Variants in HNRNPH2 observed in about 807,000 individuals in gnomAD.
HNRNPH2 encodes FTP-3.
For synonymous variants in HNRNPH2, 128 were observed against 128.2 expected (o/e 1.00, Z 0.01); for missense variants, 115 against 352.9 (o/e 0.33, Z 5.40).
Position 101,413,660 on chromosome X carries a change from T to C in HNRNPH2, c.*322T>C, listed in dbSNP as rs1487244173. 2.6e-5 allele frequency: 5 copies of C among 195,535 alleles called. No individual in the cohort carries two copies. In the Admixed American group the frequency reaches 2.8e-4, roughly 11 times the overall value. The allele number at this position is 195,535 out of a possible 1,213,427, so 16.1% of individuals were successfully genotyped here. Reference sequence around the variant, plus strand: ...TCTAGGACATAATAACAAAGTTCAGTATTGACCATAACTGTTAAAACAATT... The same window carrying C: ...TCTAGGACATAATAACAAAGTTCAGCATTGACCATAACTGTTAAAACAATT... On this transcript the variant is annotated 3_prime_UTR_variant, in exon 2 of 2. Coordinates refer to ENST00000316594, the MANE Select transcript of HNRNPH2 (RefSeq NM_019597.5).
chrX:101,410,816 A>G (rs368096068), intron 1 of HNRNPH2, among the ~76,000 whole-genome samples: 14 of 111,457 alleles, frequency 1.3e-4, no homozygotes, highest in East Asian at 1.1e-3. Flanking sequence ...AGTCTTTGGG[A>G]TCTGATCTAT....
At chrX:101,408,521 G>T (rs1555987441) in intron 1 of HNRNPH2, among the ~76,000 whole-genome samples, 1 of 109,590 alleles carries the variant, frequency 9.1e-6, no homozygotes, top group African/African-American at 3.3e-5. Flanking sequence ...GACTGTGTAT[G>T]TGTTTTTGTA....
chrX:101,411,695 G>A (rs988896182), intron 1 of HNRNPH2, among the ~76,000 whole-genome samples: 4 of 110,438 alleles, frequency 3.6e-5, no homozygotes, highest in Non-Finnish European at 7.6e-5. Flanking sequence ...GATTACAGGC[G>A]TGAGCCACCG....
chrX:101,413,372 A>G lies in HNRNPH2; in HGVS notation c.*34A>G. ...GGAGCACTAAATAGCTACTCCAGAT[A>G]TAAAAGCTGTACATTTGTGGGAGTT... On this transcript the variant is annotated 3_prime_UTR_variant, in exon 2 of 2. Coordinates refer to ENST00000316594, the MANE Select transcript of HNRNPH2 (RefSeq NM_019597.5). The G allele has an allele frequency of 9.1e-7, 1 of 1,103,533 alleles. No individual in the cohort carries two copies. The highest frequency in any genetic ancestry group is 1.2e-6 in the Non-Finnish European group (1 of 825,169). The allele number at this position is 1,103,533 out of a possible 1,213,427, so 90.9% of individuals were successfully genotyped here. A position where few individuals can be genotyped will look rare whatever the true frequency, so the allele number is the denominator to read the frequency against.
rs782176031 is a variant in HNRNPH2, at chrX:101,412,644, A to T, written c.656A>T (p.Tyr219Phe). 2 of 1,210,684 alleles carry T rather than the reference A, an allele frequency of 1.7e-6. No individual in the cohort carries two copies. The highest frequency in any genetic ancestry group is 1.8e-5 in the South Asian group (1 of 56,981). ...GATAGGCCGGGGGCTGGCAGAGGGT[A>T]TAATAGCATTGGCAGAGGAGCTGGG... ...PYDRPGAGRG[Y>F]NSIGRGAGFE... Residue 219 changes from tyrosine to phenylalanine, a missense_variant, in exon 2 of 2, where the codon TAT becomes TTT. By Grantham distance (22) the Tyr-to-Phe change is conservative. Transcript: ENST00000316594.
chrX:101,409,861 A>C (rs1288515891), intron 1 of HNRNPH2, among the ~76,000 whole-genome samples: 1 of 111,838 alleles, frequency 8.9e-6, no homozygotes, highest in African/African-American at 3.3e-5. Context: ...TTTTTTTTAA[A>C]TGGCTGCATT....
At chrX:101,411,066 C>G (rs1928775609) in intron 1 of HNRNPH2, among the ~76,000 whole-genome samples, 1 of 111,306 alleles carries the variant, frequency 9.0e-6, no homozygotes, top group Admixed American at 9.6e-5. Context: ...ATTCGGTGCT[C>G]CTGTAGGACC....
chrX:101,409,705 C>G (rs1431174506), intron 1 of HNRNPH2, among the ~76,000 whole-genome samples: 2 of 111,260 alleles, frequency 1.8e-5, no homozygotes, highest in African/African-American at 6.5e-5. Flanking sequence ...CTTCAGTTCT[C>G]TCAAAAACAA....
At chrX:101,409,654 A>G (rs1248837175) in intron 1 of HNRNPH2, among the ~76,000 whole-genome samples, 1 of 111,880 alleles carries the variant, frequency 8.9e-6, no homozygotes, top group Non-Finnish European at 1.9e-5. Context: ...GTATAGAAGT[A>G]TATAGGGTAA....
chrX:101,413,264 G>A lies in HNRNPH2; in HGVS notation c.1276G>A (p.Gly426Ser), dbSNP rs1569308267. ...TGGTGGTTATGGAGGTGGTTATGGTGGTCAGAGCAGTATGAGTGGATATGA... is the reference window on the plus strand; with the variant it reads ...TGGTGGTTATGGAGGTGGTTATGGTAGTCAGAGCAGTATGAGTGGATATGA... ...LSGGYGGGYG[G>S]QSSMSGYDQV... is the part of the protein sequence containing the mutation. Residue 426 changes from glycine to serine, a missense_variant, in exon 2 of 2, where the codon GGT (glycine) becomes AGT (serine). By Grantham distance (56) the Gly-to-Ser change is moderately conservative (BLOSUM62 0). Coordinates refer to ENST00000316594, the MANE Select transcript of HNRNPH2 (RefSeq NM_019597.5). 8.3e-7 allele frequency: 1 copy of A among 1,208,621 alleles called. No homozygotes were observed. The highest frequency in any genetic ancestry group is 1.7e-5 in the African/African-American group (1 of 57,595).
Position 101,412,307 on chromosome X carries a change from A to G in HNRNPH2, c.319A>G (p.Thr107Ala). The G allele has an allele frequency of 8.3e-7, 1 of 1,211,148 alleles. No individual in the cohort carries two copies. The highest frequency in any genetic ancestry group is 1.1e-6 in the Non-Finnish European group (1 of 894,916). Residue 107 changes from threonine to alanine, a missense_variant, in exon 2 of 2, where the codon ACT (threonine) becomes GCT (alanine). By Grantham distance (58) the Thr-to-Ala change is moderately conservative (BLOSUM62 0). Coordinates refer to ENST00000316594, the MANE Select transcript of HNRNPH2 (RefSeq NM_019597.5). ...GCATACAGGTCCGAATAGCCCTGAT[A>G]CTGCCAACGATGGCTTCGTCCGGCT... is the stretch of plus-strand genomic sequence containing the variant. The part of the protein sequence containing the change: ...LKHTGPNSPD[T>A]ANDGFVRLRG...
Position 101,413,474 on chromosome X carries a change from G to A in HNRNPH2, c.*136G>A, listed in dbSNP as rs1182899443. ...AATATAATTGATTCTGATCACTCTTGGTCAGCTTCTCTTTCTTTATCTTTC... is the reference window on the plus strand; with the variant it reads ...AATATAATTGATTCTGATCACTCTTAGTCAGCTTCTCTTTCTTTATCTTTC... On this transcript the variant is annotated 3_prime_UTR_variant, in exon 2 of 2. Coordinates refer to ENST00000316594, the MANE Select transcript of HNRNPH2 (RefSeq NM_019597.5). The A allele has an allele frequency of 8.2e-6, 4 of 488,346 alleles. No individual in the cohort carries two copies. The highest frequency in any genetic ancestry group is 1.3e-5 in the Non-Finnish European group (4 of 305,629). 40.2% of individuals were successfully genotyped at this position (488,346 alleles called of 1,213,427 possible). A position where few individuals can be genotyped will look rare whatever the true frequency, so the allele number is the denominator to read the frequency against.
Position 101,412,397 on chromosome X carries a change from G to A in HNRNPH2, c.409G>A (p.Val137Met), listed in dbSNP as rs1555988380. ...TCAGTTCTTTTCAGGGTTGGAAATT[G>A]TGCCAAATGGGATGACACTGCCAGT... is the stretch of plus-strand genomic sequence containing the variant. Reference protein sequence around the residue: ...IVQFFSGLEIVPNGMTLPVDF... With the variant: ...IVQFFSGLEIMPNGMTLPVDF... Residue 137 changes from valine (V) to methionine (M), a missense_variant, in exon 2 of 2, where the codon GTG becomes ATG. Val to Met is a conservative substitution (Grantham distance 21, BLOSUM62 1). Coordinates refer to ENST00000316594, the MANE Select transcript of HNRNPH2 (RefSeq NM_019597.5). 6 of 1,210,734 alleles carry A rather than the reference G, an allele frequency of 5.0e-6. No homozygotes were observed. In the African/African-American group the frequency reaches 1.0e-4, roughly 21 times the overall value.
rs782654134 is a variant in HNRNPH2, at chrX:101,413,483, C to G, written c.*145C>G. On this transcript the variant is annotated 3_prime_UTR_variant, in exon 2 of 2. Transcript: ENST00000316594. ...GATTCTGATCACTCTTGGTCAGCTT[C>G]TCTTTCTTTATCTTTCTTTCTCCTT... The G allele has an allele frequency of 2.2e-6, 1 of 457,504 alleles. No individual in the cohort carries two copies. The highest frequency in any genetic ancestry group is 3.5e-6 in the Non-Finnish European group (1 of 281,755). The allele number at this position is 457,504 out of a possible 1,213,427, so 37.7% of individuals were successfully genotyped here.
At chrX:101,409,241 T>C (rs949973151) in intron 1 of HNRNPH2, among the ~76,000 whole-genome samples, 14 of 112,251 alleles carry the variant, frequency 1.2e-4, no homozygotes, top group Non-Finnish European at 2.1e-4. Flanking sequence ...AAAACTGTTA[T>C]CACTGCAGAT....
At position 101,413,369 on chromosome X, in the gene HNRNPH2, G is replaced by C; in HGVS notation, c.*31G>C. Reference sequence around the variant, plus strand: ...GAAGGAGCACTAAATAGCTACTCCAGATATAAAAGCTGTACATTTGTGGGA... The same window carrying C: ...GAAGGAGCACTAAATAGCTACTCCACATATAAAAGCTGTACATTTGTGGGA... On this transcript the variant is annotated 3_prime_UTR_variant, in exon 2 of 2. Transcript: ENST00000316594. 9.0e-7 allele frequency: 1 copy of C among 1,112,259 alleles called. No homozygotes were observed. The highest frequency in any genetic ancestry group is 3.0e-5 in the East Asian group (1 of 33,279). 91.7% of individuals were successfully genotyped at this position (1,112,259 alleles called of 1,213,427 possible).
In HNRNPH2 at chrX:101,411,951, A is replaced by T. The variant is rs782687084; in HGVS notation, c.-38A>T. 3.5e-6 allele frequency: 4 copies of T among 1,138,199 alleles called. No homozygotes were observed. Among genetic ancestry groups the T allele is most frequent in the South Asian group, 2.2e-5 (1 of 46,164 alleles). The allele number at this position is 1,138,199 out of a possible 1,213,427, so 93.8% of individuals were successfully genotyped here. ...TTTTTTTCAGCTACACCAAAATTGC[A>T]TTGAGCCAAACTTGCCACCAAGAGC... On this transcript the variant is annotated 5_prime_UTR_variant, in exon 2 of 2. Transcript: ENST00000316594.
intron 1 of HNRNPH2, among the ~76,000 whole-genome samples, chrX:101,409,008 A>G (rs1226243865): frequency 9.0e-6 from 1 of 111,311 alleles, no homozygotes; most frequent in Non-Finnish European, 1.9e-5. Flanking sequence ...CCTGGTTCCC[A>G]CTTTAGCCAG....
chrX:101,412,509 A>C lies in HNRNPH2; in HGVS notation c.521A>C (p.Glu174Ala). 8.3e-7 allele frequency: 1 copy of C among 1,211,732 alleles called. No individual in the cohort carries two copies. The highest frequency in any genetic ancestry group is 1.1e-6 in the Non-Finnish European group (1 of 895,209). Residue 174 changes from glutamate (E) to alanine (A), a missense_variant, in exon 2 of 2, where the codon GAA becomes GCA. Glu to Ala is a moderately radical substitution (Grantham distance 107, BLOSUM62 -1). Coordinates refer to ENST00000316594, the MANE Select transcript of HNRNPH2 (RefSeq NM_019597.5). ...GAGAAGGCCTTAAAGAAACACAAGG[A>C]AAGAATAGGGCACAGGTACATTGAG... ...IAEKALKKHK[E>A]RIGHRYIEIF...
Sources: allele counts gnomAD v4.1 joint callset (sites outside exome capture counted in the v4.1 genomes callset), GRCh38; gene constraint gnomAD v4.1.1; transcripts MANE v1.5; gene names NCBI Gene and HGNC (gene_info 2026-07-23, HGNC 2026-07-21).